NTRK2: variants seen among roughly 807,000 people sequenced by gnomAD.
NTRK2 encodes the protein BDNF/NT-3 growth factors receptor.
NTRK2 carries 13 observed loss-of-function variants against 94.5 expected under a neutral mutation model. The observed-to-expected ratio is 0.14, with a 90% CI of 0.09 to 0.22. The LOEUF (loss-of-function observed/expected upper bound fraction) is 0.22. Among genes scored for constraint, NTRK2 ranks in the 10% least tolerant of loss-of-function variants. The probability of loss-of-function intolerance (pLI) is 1.00; values close to 1 mark genes in which losing one functional copy is unlikely to be tolerated. For missense variants in NTRK2, 639 were observed against 1,071.2 expected, an observed-to-expected ratio of 0.60 and a Z score of 5.63; for synonymous variants, 372 against 407.4, an observed-to-expected ratio of 0.91 and a Z score of 1.05.
chr9:84,984,858 C>T (rs1197441526), intron 17 of NTRK2, among the ~76,000 whole-genome samples: 1 of 152,190 alleles, frequency 6.6e-6, no homozygotes, highest in Non-Finnish European at 1.5e-5. Context: ...TTTTTGTTGT[C>T]TTCATCCTGT....
intron 12 of NTRK2, among the ~76,000 whole-genome samples, chr9:84,826,908 G>A (rs1005554797): frequency 1.4e-4 from 21 of 152,182 alleles, no homozygotes; most frequent in African/African-American, 4.8e-4. Flanking sequence ...TTTGTTGAAT[G>A]AATAAACAGG....
chr9:84,706,854 C>G (rs552592473), intron 4 of NTRK2, among the ~76,000 whole-genome samples: 23 of 152,126 alleles, frequency 1.5e-4, no homozygotes, highest in Admixed American at 1.4e-3. Flanking sequence ...ATCCAACTCT[C>G]AACCCAACAC....
chr9:84,871,078 G>T (rs2075846796), intron 14 of NTRK2, among the ~76,000 whole-genome samples: 1 of 152,060 alleles, frequency 6.6e-6, no homozygotes, highest in African/African-American at 2.4e-5. Flanking sequence ...GAAAATGATG[G>T]CTTGTTCCCT....
At chr9:85,002,917 G>A (rs985096562) in intron 17 of NTRK2, among the ~76,000 whole-genome samples, 16 of 152,162 alleles carry the variant, frequency 1.1e-4, no homozygotes, top group African/African-American at 3.9e-4. Context: ...CCAACATCAG[G>A]CCAGGTCAGG....
At chr9:84,984,042 T>G (rs986290836) in intron 17 of NTRK2, among the ~76,000 whole-genome samples, 2 of 152,194 alleles carry the variant, frequency 1.3e-5, no homozygotes, top group Non-Finnish European at 2.9e-5. Context: ...ATATCCAAAA[T>G]AGTAATGACA....
intron 14 of NTRK2, among the ~76,000 whole-genome samples, chr9:84,897,539 T>G (rs901241472): frequency 2.0e-5 from 3 of 152,218 alleles, no homozygotes; most frequent in Non-Finnish European, 2.9e-5. Flanking sequence ...GCTGCCTATT[T>G]CAGCAGTCAT....
intron 12 of NTRK2, chr9:84,815,690 G>A: frequency 1.5e-5 from 15 of 1,009,346 alleles, no homozygotes; most frequent in Non-Finnish European, 1.8e-5. Flanking sequence ...AGCCAATAAA[G>A]TTTGATAATT....
At chr9:84,820,178 T>G (rs1375417902) in intron 12 of NTRK2, among the ~76,000 whole-genome samples, 2 of 150,658 alleles carry the variant, frequency 1.3e-5, no homozygotes, top group Non-Finnish European at 3.0e-5. Context: ...TCTTTTTTTT[T>G]TTTTTTTTGG....
chr9:84,698,206 T>C (rs2060504868), intron 2 of NTRK2, among the ~76,000 whole-genome samples: 1 of 152,134 alleles, frequency 6.6e-6, no homozygotes, highest in African/African-American at 2.4e-5. Flanking sequence ...CATCTTTCTA[T>C]ACTTGGCATA....
intron 12 of NTRK2, among the ~76,000 whole-genome samples, chr9:84,801,765 A>G (rs1453876457): frequency 6.6e-6 from 1 of 152,152 alleles, no homozygotes; most frequent in African/African-American, 2.4e-5. Flanking sequence ...TCATCAATTA[A>G]AGAGCTTCTG....
At position 84,702,188 on chromosome 9, in the gene NTRK2, T is replaced by A; in HGVS notation, c.242T>A (p.Ile81Asn). ...ATCGCAAACCAGAAAAGGTTAGAAA[T>A]CATCAACGAAGATGATGTTGAAGCT... is the stretch of plus-strand genomic sequence containing the variant. ...IFIANQKRLE[I>N]INEDDVEAYV... Residue 81 changes from isoleucine (I) to asparagine (N), a missense_variant, in exon 3 of 19, where the codon ATC (isoleucine) becomes AAC (asparagine). Ile to Asn is a moderately radical substitution (Grantham distance 149, BLOSUM62 -3). Around this residue, in one of 5 missense-constraint regions of NTRK2, gnomAD observed 206 missense variants for 251.5 expected, o/e 0.82. Transcript: ENST00000277120. 1 of 1,614,174 alleles carries A rather than the reference T, an allele frequency of 6.2e-7. No individual in the cohort carries two copies. Among genetic ancestry groups the A allele is most frequent in the Non-Finnish European group, 8.5e-7 (1 of 1,180,022 alleles).
At chr9:84,707,324 T>C (rs977084035) in intron 4 of NTRK2, among the ~76,000 whole-genome samples, 2 of 152,238 alleles carry the variant, frequency 1.3e-5, no homozygotes, top group Admixed American at 6.5e-5. Context: ...TTAGATCATA[T>C]GTAAACAATC....
At chr9:84,866,569 C>T (rs1001169144) in intron 13 of NTRK2, among the ~76,000 whole-genome samples, 2 of 152,080 alleles carry the variant, frequency 1.3e-5, no homozygotes, top group Non-Finnish European at 2.9e-5. Flanking sequence ...AGGAAAGCTA[C>T]GTATTATCTT....
chr9:84,881,196 A>G (rs933919294), intron 14 of NTRK2, among the ~76,000 whole-genome samples: 2 of 152,230 alleles, frequency 1.3e-5, no homozygotes, highest in South Asian at 2.1e-4. Context: ...ATTTGCCAGT[A>G]TGGAAAATTT....
At chr9:84,934,908 C>A (rs916936495) in intron 15 of NTRK2, among the ~76,000 whole-genome samples, 1 of 152,152 alleles carries the variant, frequency 6.6e-6, no homozygotes, top group Non-Finnish European at 1.5e-5. Context: ...ATAGTCACGT[C>A]CTCATAAACT....
chr9:84,722,326 A>T (rs2132003653), intron 6 of NTRK2, among the ~76,000 whole-genome samples: 1 of 152,216 alleles, frequency 6.6e-6, no homozygotes, highest in African/African-American at 2.4e-5. Context: ...CATGAAATAT[A>T]GACTGTACAA....
chr9:84,692,672 G>T (rs2060125608), intron 2 of NTRK2, among the ~76,000 whole-genome samples: 1 of 151,782 alleles, frequency 6.6e-6, no homozygotes, highest in South Asian at 2.1e-4. Context: ...TCTCCATGTT[G>T]CTCAGGCTGG....
rs967199681 is a variant in NTRK2, at chr9:84,724,411, A to G, written c.853+55A>G. 9.9e-6 allele frequency: 16 copies of G among 1,610,660 alleles called. No individual in the cohort carries two copies. In the Admixed American group the frequency reaches 1.7e-4, roughly 17 times the overall value. On this transcript the variant is annotated intron_variant, in intron 8 of 18. Coordinates refer to ENST00000277120, the MANE Select transcript of NTRK2 (RefSeq NM_006180.6). ...ATAGCAAATGATCATGGACGTACCT[A>G]CGTTTGTTGCTGGGGCACTCTGGGT... is the stretch of plus-strand genomic sequence containing the variant.
intron 17 of NTRK2, among the ~76,000 whole-genome samples, chr9:85,000,426 C>T (rs1216657425): frequency 6.6e-6 from 1 of 152,138 alleles, no homozygotes. Flanking sequence ...CCACTGGAAA[C>T]CACTGATCTT....
Sources: allele counts gnomAD v4.1 joint callset (sites outside exome capture counted in the v4.1 genomes callset), GRCh38; gene constraint gnomAD v4.1.1; regional missense constraint gnomAD v4.1.1; transcripts MANE v1.5; gene names NCBI Gene and HGNC (gene_info 2026-07-23, HGNC 2026-07-21).